LDB2: variants seen among roughly 807,000 people sequenced by gnomAD.
The protein encoded by LDB2 is LIM domain binding 2, also known as LIM domain-binding protein 2.
Under a neutral mutation model 44.3 loss-of-function variants are expected in LDB2, and 12 were observed. That is an observed-to-expected ratio of 0.27 (90% CI 0.17 to 0.44). The LOEUF (loss-of-function observed/expected upper bound fraction) is 0.44. Among genes scored for constraint, LDB2 ranks in the 20% least tolerant of loss-of-function variants. LDB2 has a pLI of 1.00. For synonymous variants in LDB2, 164 were observed against 174.8 expected (o/e 0.94, Z 0.49); for missense variants, 344 against 473.5 (o/e 0.73, Z 2.54).
Position 16,653,025 on chromosome 4 carries a change from C to T in LDB2, c.236-57150G>A, listed in dbSNP as rs193157679. Among the ~76,000 whole-genome samples the T allele has an allele frequency of 9.2e-5, 14 of 152,254 alleles. 1 individual carries two copies. The highest frequency in any genetic ancestry group is 9.1e-4 in the Admixed American group (14 of 15,302). ...ATGCCACTTTGTGGAATTATTTCCTCAGAGTGTTTAGGAACGCTGCCAGGA... is the reference window on the plus strand; with the variant it reads ...ATGCCACTTTGTGGAATTATTTCCTTAGAGTGTTTAGGAACGCTGCCAGGA... On this transcript the variant is annotated intron_variant, in intron 2 of 7. Coordinates refer to ENST00000304523, the MANE Select transcript of LDB2 (RefSeq NM_001290.5).
intron 5 of LDB2, among the ~76,000 whole-genome samples, chr4:16,583,710 A>T (rs1715637041): frequency 6.6e-6 from 1 of 152,210 alleles, no homozygotes; most frequent in African/African-American, 2.4e-5. Context: ...AATGAGTTTG[A>T]GATCCGCTCA....
chr4:16,857,646 C>T (rs983983221), intron 1 of LDB2, among the ~76,000 whole-genome samples: 21 of 152,208 alleles, frequency 1.4e-4, no homozygotes, highest in Admixed American at 2.6e-4. Context: ...CTGAGACCCT[C>T]CTGCTGCATG....
intron 1 of LDB2, among the ~76,000 whole-genome samples, chr4:16,822,370 A>G (rs1204973057): frequency 6.6e-6 from 1 of 152,190 alleles, no homozygotes; most frequent in Non-Finnish European, 1.5e-5. Flanking sequence ...CAGCTAACCT[A>G]GAGAGTATGT....
At chr4:16,669,429 A>G (rs957322271) in intron 2 of LDB2, among the ~76,000 whole-genome samples, 2 of 152,182 alleles carry the variant, frequency 1.3e-5, no homozygotes, top group African/African-American at 2.4e-5. Context: ...TCAGTCCACT[A>G]AAATCTGGAC....
intron 5 of LDB2, among the ~76,000 whole-genome samples, chr4:16,543,755 T>C (rs893011970): frequency 2.6e-5 from 4 of 152,078 alleles, no homozygotes; most frequent in East Asian, 1.9e-4. Context: ...AAAGCCAAAA[T>C]TGACAAATGG....
chr4:16,777,311 T>A (rs1772150707), intron 1 of LDB2, among the ~76,000 whole-genome samples: 1 of 151,988 alleles, frequency 6.6e-6, no homozygotes, highest in South Asian at 2.1e-4. Context: ...GAGAAATGGT[T>A]TCCTGTTAGT....
chr4:16,610,399 G>T (rs553084536), intron 2 of LDB2, among the ~76,000 whole-genome samples: 1 of 152,252 alleles, frequency 6.6e-6, no homozygotes, highest in African/African-American at 2.4e-5. Flanking sequence ...CAGAAGATGG[G>T]TAATAAAAAA....
intron 5 of LDB2, among the ~76,000 whole-genome samples, chr4:16,563,424 ATCAGATTT>A (rs1743197662): frequency 8.1e-6 from 1 of 123,768 alleles, no homozygotes; most frequent in African/African-American, 3.2e-5. Context: ...CTCATCAGTC[ATCAGATTT>A]TTTTTTTTTT....
At chr4:16,667,178 C>T (rs528758668) in intron 2 of LDB2, among the ~76,000 whole-genome samples, 29 of 152,270 alleles carry the variant, frequency 1.9e-4, no homozygotes, top group African/African-American at 6.5e-4. Context: ...AGGCCTGGCA[C>T]TGCTGACGGT....
chr4:16,512,204 C>T, intron 5 of LDB2, 100 bp from the exon 6 acceptor site: 1 of 1,124,006 alleles, frequency 8.9e-7, no homozygotes, highest in Non-Finnish European at 1.2e-6. Flanking sequence ...TTTGAGAATA[C>T]TTTTATTTTC....
intron 1 of LDB2, among the ~76,000 whole-genome samples, chr4:16,775,455 A>G (rs897462678): frequency 3.4e-4 from 50 of 147,574 alleles, no homozygotes; most frequent in Middle Eastern, 3.4e-3. Context: ...AAAAATGGTA[A>G]TAATAAGTGT....
chr4:16,697,451 G>C (rs1187323684), intron 2 of LDB2, among the ~76,000 whole-genome samples: 1 of 150,920 alleles, frequency 6.6e-6, no homozygotes, highest in Non-Finnish European at 1.5e-5. Flanking sequence ...GACAGAGCAA[G>C]ACTCCGTCCC....
intron 2 of LDB2, among the ~76,000 whole-genome samples, chr4:16,679,252 G>A (rs1299131968): frequency 1.3e-5 from 2 of 152,032 alleles, no homozygotes; most frequent in African/African-American, 4.8e-5. Context: ...TTGATGTGAT[G>A]TCAGTGTATA....
intron 2 of LDB2, among the ~76,000 whole-genome samples, chr4:16,754,626 G>T (rs1014526146): frequency 6.6e-6 from 1 of 151,744 alleles, no homozygotes; most frequent in Non-Finnish European, 1.5e-5. Context: ...CCGCCTCCTG[G>T]GTTCAAGTAA....
chr4:16,691,208 C>T (rs1397595352), intron 2 of LDB2, among the ~76,000 whole-genome samples: 1 of 152,010 alleles, frequency 6.6e-6, no homozygotes, highest in Non-Finnish European at 1.5e-5. Flanking sequence ...GCTCTAAGGT[C>T]TTTTCTCTTT....
intron 2 of LDB2, among the ~76,000 whole-genome samples, chr4:16,669,083 G>C (rs889842708): frequency 6.6e-6 from 1 of 152,194 alleles, no homozygotes; most frequent in Non-Finnish European, 1.5e-5. Flanking sequence ...GCAGGGAGCT[G>C]TTACCAGAAA....
At chr4:16,532,699 G>A (rs1479580256) in intron 5 of LDB2, among the ~76,000 whole-genome samples, 2 of 152,152 alleles carry the variant, frequency 1.3e-5, no homozygotes, top group Non-Finnish European at 2.9e-5. Context: ...AATAGACCAT[G>A]TCTGTTTATT....
chr4:16,502,822 C>T lies in LDB2; in HGVS notation c.943G>A (p.Glu315Lys), dbSNP rs1161644472. Residue 315 changes from glutamate to lysine, a missense_variant, in exon 8 of 8, where the codon GAG becomes AAG. Around this residue, in one of 3 missense-constraint regions of LDB2, gnomAD observed 86 missense variants for 171.2 expected, o/e 0.50. Coordinates refer to ENST00000304523, the MANE Select transcript of LDB2 (RefSeq NM_001290.5). ...AATCTAGTGATTAGCCTTTCGTCCT[C>T]GTCCCCAAACTCACCTCCCATCAGA... ...PTLMGGEFGDEDERLITRLEN... is the reference protein window; with the variant it reads ...PTLMGGEFGDKDERLITRLEN... The T allele has an allele frequency of 4.3e-6, 7 of 1,613,968 alleles. No homozygotes were observed. The highest frequency in any genetic ancestry group is 1.3e-5 in the African/African-American group (1 of 74,920).
intron 1 of LDB2, among the ~76,000 whole-genome samples, chr4:16,844,460 A>G (rs1257319152): frequency 1.3e-5 from 2 of 152,106 alleles, no homozygotes; most frequent in Non-Finnish European, 2.9e-5. Flanking sequence ...TTTATTTCAC[A>G]AGAACACTTG....
Sources: gnomAD v4.1 joint callset for allele counts (sites outside exome capture counted in the v4.1 genomes callset) on GRCh38, gnomAD v4.1.1 for gene constraint, gnomAD v4.1.1 regional missense constraint, MANE v1.5 for transcripts, NCBI Gene and HGNC (gene_info 2026-07-23, HGNC 2026-07-21) for gene names.